The following DGCR8 variants were observed in gnomAD, a reference collection of about 807,000 sequenced individuals.
The protein encoded by DGCR8 is microprocessor complex subunit DGCR8.
A neutral mutation model predicts 78.5 loss-of-function variants in DGCR8; 14 were observed. That is an observed-to-expected ratio of 0.18 (90% CI 0.12 to 0.28). The LOEUF is 0.28. Ranked by LOEUF, DGCR8 falls within the 10% of genes least tolerant of loss-of-function variation. DGCR8 has a pLI of 1.00. For synonymous variants in DGCR8, 399 were observed against 402.4 expected (o/e 0.99, Z 0.10); for missense variants, 702 against 1,022.5 (o/e 0.69, Z 4.28).
intron 3 of DGCR8, among the ~76,000 whole-genome samples, chr22:20,088,055 C>T (rs1183684817): frequency 1.3e-5 from 2 of 151,946 alleles, no homozygotes; most frequent in South Asian, 4.2e-4. Flanking sequence ...AGGTGAGACC[C>T]CAGGCTGAGG....
intron 1 of DGCR8, 181 bp downstream of exon 1, chr22:20,080,564 C>A (rs1260454046): frequency 2.3e-6 from 2 of 860,862 alleles, no homozygotes; most frequent in South Asian, 5.3e-5. Flanking sequence ...GGTGGGGACG[C>A]CTCCGGGGCT....
chr22:20,107,577 C>G, intron 12 of DGCR8, 179 bp downstream of exon 12: 2 of 662,728 alleles, frequency 3.0e-6, no homozygotes, highest in Non-Finnish European at 5.1e-6. Flanking sequence ...GCTACATCTC[C>G]TATCCCAGCC....
intron 9 of DGCR8, among the ~76,000 whole-genome samples, chr22:20,098,935 A>G (rs984645485): frequency 1.3e-5 from 2 of 152,232 alleles, no homozygotes; most frequent in African/African-American, 4.8e-5. Flanking sequence ...TTACCTCATA[A>G]TAGTGACTTT....
intron 9 of DGCR8, among the ~76,000 whole-genome samples, chr22:20,095,682 G>T (rs753077702): frequency 7.2e-5 from 11 of 152,106 alleles, no homozygotes; most frequent in Non-Finnish European, 1.3e-4. Flanking sequence ...TGGGGGGCGG[G>T]GATGGTTTCA....
chr22:20,092,052 G>A (rs372312511), intron 7 of DGCR8, 82 bp downstream of exon 7: 10 of 1,065,282 alleles, frequency 9.4e-6, no homozygotes, highest in Middle Eastern at 2.0e-4. Context: ...GGCGCTGACC[G>A]CTAGCCCTAC....
intron 9 of DGCR8, among the ~76,000 whole-genome samples, chr22:20,096,003 G>A (rs952332284): frequency 1.3e-5 from 2 of 152,128 alleles, no homozygotes; most frequent in African/African-American, 2.4e-5. Context: ...GGTGTAAAAT[G>A]AGTGATGGGG....
In DGCR8 at chr22:20,086,017, G is replaced by C; in HGVS notation, c.54G>C (p.Ala18=). The change falls in exon 2 of 14, where the codon GCG becomes GCC. Residue 18 remains alanine (A), a synonymous_variant. Coordinates refer to ENST00000351989, the MANE Select transcript of DGCR8 (RefSeq NM_022720.7). This position sits in a 1 kb window ranked among gnomAD's most constrained non-coding sequence, Gnocchi z 6.4. Reference sequence around the variant, plus strand: ...TCCCGTGTGGGCCCGCAGGAGAAGCGGTGATGGAGAGCCGAGCTCGCCCCT... The same window carrying C: ...TCCCGTGTGGGCCCGCAGGAGAAGCCGTGATGGAGAGCCGAGCTCGCCCCT... ...SPLPCGPAGE[A]VMESRARPFQ... is the part of the protein sequence containing the mutation. 1 of 1,612,714 alleles carries C rather than the reference G, an allele frequency of 6.2e-7. No homozygotes were observed. Among genetic ancestry groups the C allele is most frequent in the Non-Finnish European group, 8.5e-7 (1 of 1,179,388 alleles).
rs746467346 is a variant in DGCR8, at chr22:20,089,479, TCAGGC to T, written c.881-187_881-183del. Among the ~76,000 whole-genome samples, 3 of 152,198 alleles carry T rather than the reference TCAGGC, an allele frequency of 2.0e-5. No homozygotes were observed. Among genetic ancestry groups the T allele is most frequent in the Non-Finnish European group, 4.4e-5 (3 of 68,036 alleles). On this transcript the variant is annotated intron_variant, in intron 3 of 13. Coordinates refer to ENST00000351989, the MANE Select transcript of DGCR8 (RefSeq NM_022720.7). The surrounding 1 kb of genome is among the most constrained non-coding windows in gnomAD (Gnocchi z 4.9). ...GGTTTGACACGTGTAAATTCCCACC[TCAGGC>T]CACATGCTATCTGTCCTAGGCCTGG... is the stretch of plus-strand genomic sequence containing the variant.
At chr22:20,091,328 A>G (rs151091047) in intron 5 of DGCR8, 107 bp from the exon 6 acceptor site, 11,114 of 1,104,796 alleles carry the variant, frequency 0.01, 86 homozygotes, top group Non-Finnish European at 0.012. Context: ...GGACGGGGAA[A>G]GGAAATAGTG....
At position 20,086,173 on chromosome 22, in the gene DGCR8, C is replaced by T. The variant is rs778890073; in HGVS notation, c.210C>T (p.Tyr70=). The part of the protein sequence containing the change: ...ELPAEDPFNF[Y]GASLLSKGSF... ...CTGCTGAGGACCCCTTCAACTTCTACGGAGCTTCTCTTCTCTCCAAAGGAT... is the reference window on the plus strand; with the variant it reads ...CTGCTGAGGACCCCTTCAACTTCTATGGAGCTTCTCTTCTCTCCAAAGGAT... The change falls in exon 2 of 14, where the codon TAC becomes TAT. Residue 70 remains tyrosine (Y), a synonymous_variant. Transcript: ENST00000351989. This position sits in a 1 kb window ranked among gnomAD's most constrained non-coding sequence, Gnocchi z 6.4. The T allele has an allele frequency of 8.1e-6, 13 of 1,614,174 alleles. No homozygotes were observed. The highest frequency in any genetic ancestry group is 1.3e-5 in the African/African-American group (1 of 75,042).
In DGCR8 at chr22:20,089,086, C is replaced by G. The variant is rs2049523032; in HGVS notation, c.881-583C>G. ...TTTGCCTTACGCTCTTCCCAGCAGT[C>G]AGGCCTGGTGGCAGGTGTCAAGTTG... On this transcript the variant is annotated intron_variant, in intron 3 of 13. Coordinates refer to ENST00000351989, the MANE Select transcript of DGCR8 (RefSeq NM_022720.7). The surrounding 1 kb of genome is among the most constrained non-coding windows in gnomAD (Gnocchi z 4.9). Among the ~76,000 whole-genome samples the G allele has an allele frequency of 6.6e-6, 1 of 152,232 alleles. No individual in the cohort carries two copies. Among genetic ancestry groups the G allele is most frequent in the Non-Finnish European group, 1.5e-5 (1 of 68,038 alleles).
In DGCR8 at chr22:20,107,425, G is replaced by A. The variant is rs201099824; in HGVS notation, c.2124+27G>A. The A allele has an allele frequency of 2.4e-5, 38 of 1,613,326 alleles. No individual in the cohort carries two copies. The East Asian group carries it at 8.2e-4, about 35-fold the overall frequency. On this transcript the variant is annotated intron_variant, in intron 12 of 13. Coordinates refer to ENST00000351989, the MANE Select transcript of DGCR8 (RefSeq NM_022720.7). The stretch of plus-strand genomic sequence containing the variant: ...TAACTGGCCATCAGCAGGTCCCAGG[G>A]CAGCCTGTGCTGCCACCCTGGAGCG...
chr22:20,100,349 G>A, intron 9 of DGCR8: 3 of 985,400 alleles, frequency 3.0e-6, no homozygotes, highest in Non-Finnish European at 3.6e-6. Flanking sequence ...ATAGGCGTGA[G>A]CCACTGCACC....
intron 9 of DGCR8, among the ~76,000 whole-genome samples, chr22:20,104,157 CT>C (rs1220884827): frequency 0.1 from 14,234 of 135,868 alleles, 722 homozygotes; most frequent in Non-Finnish European, 0.15. Context: ...TGGTGTCGGT[CT>C]TTTTTTTTTT....
chr22:20,111,405 G>A lies in DGCR8; in HGVS notation c.*1297G>A. On this transcript the variant is annotated 3_prime_UTR_variant, in exon 14 of 14. Transcript: ENST00000351989. ...TGTCAGGAAAACAATGTTGGCCTGT[G>A]GGCCGCCCACAACATATCCTTCCCT... is the stretch of plus-strand genomic sequence containing the variant. 2.5e-6 allele frequency: 1 copy of A among 397,724 alleles called. No homozygotes were observed. Among genetic ancestry groups the A allele is most frequent in the African/African-American group, 2.1e-5 (1 of 48,410 alleles). 24.6% of individuals were successfully genotyped at this position (397,724 alleles called of 1,614,324 possible).
intron 9 of DGCR8, chr22:20,101,884 A>T: frequency 4.1e-6 from 4 of 985,328 alleles, no homozygotes; most frequent in Non-Finnish European, 4.8e-6. Flanking sequence ...TGGGGTTGAC[A>T]TGTCAGGAGG....
At position 20,089,543 on chromosome 22, in the gene DGCR8, C is replaced by T. The variant is rs543222463; in HGVS notation, c.881-126C>T. ...CAGTGAGCAAGGCAGAGAGGAATTT[C>T]GATTATCTGTGAAGACCCAGTTAAA... On this transcript the variant is annotated intron_variant, in intron 3 of 13. Transcript: ENST00000351989. The surrounding 1 kb of genome is among the most constrained non-coding windows in gnomAD (Gnocchi z 4.9). The T allele has an allele frequency of 1.8e-5, 19 of 1,047,826 alleles. No homozygotes were observed. The highest frequency in any genetic ancestry group is 9.5e-5 in the African/African-American group (6 of 63,364). 64.9% of individuals were successfully genotyped at this position (1,047,826 alleles called of 1,614,324 possible). A position where few individuals can be genotyped will look rare whatever the true frequency, so the allele number is the denominator to read the frequency against.
In DGCR8 at chr22:20,080,252, C is replaced by T. The variant is rs901572392; in HGVS notation, c.-409C>T. On this transcript the variant is annotated 5_prime_UTR_variant, in exon 1 of 14. Coordinates refer to ENST00000351989, the MANE Select transcript of DGCR8 (RefSeq NM_022720.7). ...CGCGAAGGCCCGCCCTCCGCTCGCC[C>T]GGCGCGGCAGGCGGGTGCCGGCGAC... 39 of 973,770 alleles carry T rather than the reference C, an allele frequency of 4.0e-5. No homozygotes were observed. Among genetic ancestry groups the T allele is most frequent in the East Asian group, 1.1e-4 (1 of 8,750 alleles). 60.3% of individuals were successfully genotyped at this position (973,770 alleles called of 1,614,324 possible).
In DGCR8 at chr22:20,087,065, C is replaced by A. The variant is rs941645807; in HGVS notation, c.721-97C>A. On this transcript the variant is annotated intron_variant, in intron 2 of 13. Coordinates refer to ENST00000351989, the MANE Select transcript of DGCR8 (RefSeq NM_022720.7). This position sits in a 1 kb window ranked among gnomAD's most constrained non-coding sequence, Gnocchi z 4.1. ...GCACATCTAGGCCCCCTGAGAGCAC[C>A]TCCTTTCTGTGTCTGTTCTCAGGAA... 54 of 1,476,654 alleles carry A rather than the reference C, an allele frequency of 3.7e-5. No homozygotes were observed. The highest frequency in any genetic ancestry group is 4.7e-5 in the Non-Finnish European group (52 of 1,095,620). 91.5% of individuals were successfully genotyped at this position (1,476,654 alleles called of 1,614,324 possible).
Sources: allele counts gnomAD v4.1 joint callset (sites outside exome capture counted in the v4.1 genomes callset), GRCh38; gene constraint gnomAD v4.1.1; non-coding constraint Gnocchi (gnomAD v3.1); transcripts MANE v1.5; gene names NCBI Gene and HGNC (gene_info 2026-07-23, HGNC 2026-07-21).